INVS: variants seen among roughly 807,000 people sequenced by gnomAD.
INVS encodes the protein inversion of embryo turning homolog.
A neutral mutation model predicts 108.8 loss-of-function variants in INVS; 86 were observed. That is an observed-to-expected ratio of 0.79 (90% CI 0.66 to 0.95). The LOEUF (loss-of-function observed/expected upper bound fraction) is 0.95. Ranked by LOEUF, INVS falls within the 40% of genes least tolerant of loss-of-function variation. The pLI, the probability that INVS is intolerant of heterozygous loss-of-function variation, is 0.00. For synonymous variants in INVS, 455 were observed against 473.5 expected (o/e 0.96, Z 0.51); for missense variants, 1,169 against 1,297.4 (o/e 0.90, Z 1.52).
chr9:100,289,416 T>C (rs1052636846), intron 13 of INVS, among the ~76,000 whole-genome samples: 2 of 152,262 alleles, frequency 1.3e-5, no homozygotes, highest in African/African-American at 4.8e-5. Flanking sequence ...TTTATAGATA[T>C]AAATATCTGT....
intron 10 of INVS, among the ~76,000 whole-genome samples, chr9:100,253,455 TGCACAA>T (rs1832310690): frequency 6.6e-6 from 1 of 152,144 alleles, no homozygotes; most frequent in Non-Finnish European, 1.5e-5. Context: ...AGGGTACATG[TGCACAA>T]CGTGCAAGTT....
chr9:100,101,000 A>T (rs1231100778), intron 1 of INVS, among the ~76,000 whole-genome samples: 2 of 84,960 alleles, frequency 2.4e-5, no homozygotes, highest in South Asian at 2.6e-4. Flanking sequence ...ATGTATATAT[A>T]ATATATATAT....
chr9:100,165,152 T>A (rs111984600), intron 3 of INVS, among the ~76,000 whole-genome samples: 1 of 152,082 alleles, frequency 6.6e-6, no homozygotes, highest in African/African-American at 2.4e-5. Flanking sequence ...ATTTATGGGG[T>A]ACATGTAATG....
intron 3 of INVS, among the ~76,000 whole-genome samples, chr9:100,137,506 T>C (rs1588029043): frequency 6.6e-6 from 1 of 152,276 alleles, no homozygotes; most frequent in East Asian, 1.9e-4. Flanking sequence ...TGGTATCTGG[T>C]ATCAGAATTT....
intron 3 of INVS, among the ~76,000 whole-genome samples, chr9:100,155,997 T>C (rs1291392449): frequency 6.6e-6 from 1 of 152,138 alleles, no homozygotes; most frequent in Non-Finnish European, 1.5e-5. Flanking sequence ...TCACCCAGAT[T>C]GTGTCTCTCA....
chr9:100,203,874 G>A (rs1369374218), intron 3 of INVS, among the ~76,000 whole-genome samples: 1 of 152,078 alleles, frequency 6.6e-6, no homozygotes, highest in African/African-American at 2.4e-5. Context: ...ACTACTGCAT[G>A]TTTCTCCTTG....
At chr9:100,138,841 G>A (rs1444651364) in intron 3 of INVS, among the ~76,000 whole-genome samples, 3 of 151,584 alleles carry the variant, frequency 2.0e-5, no homozygotes, top group Non-Finnish European at 4.4e-5. Context: ...GAAGTAACAG[G>A]GATTACAGGG....
intron 3 of INVS, among the ~76,000 whole-genome samples, chr9:100,179,544 C>T (rs1378968929): frequency 1.3e-5 from 2 of 151,112 alleles, no homozygotes; most frequent in East Asian, 3.9e-4. Flanking sequence ...AAAAGACAAA[C>T]AAGGGCATTA....
Position 100,227,991 on chromosome 9 carries a change from C to CTTT in INVS, c.448-1654_448-1652dup, listed in dbSNP as rs33912012. 3.4e-3 allele frequency among the ~76,000 whole-genome samples: 454 copies of CTTT among 133,412 alleles called. 6 individuals carry two copies. The highest frequency in any genetic ancestry group is 7.8e-3 in the Middle Eastern group (2 of 256). The allele number at this position is 133,412 out of a possible 152,430, so 87.5% of individuals were successfully genotyped here. Reference sequence around the variant, plus strand: ...CAAATAAACATTATTTTCTTTCTTTCTTTTTTTTTTTTTTTTTGAGACAGA... The same window carrying CTTT: ...CAAATAAACATTATTTTCTTTCTTTCTTTTTTTTTTTTTTTTTTTTGAGACAGA... On this transcript the variant is annotated intron_variant, in intron 4 of 16. Coordinates refer to ENST00000262457, the MANE Select transcript of INVS (RefSeq NM_014425.5).
At chr9:100,163,350 A>G (rs1285029529) in intron 3 of INVS, among the ~76,000 whole-genome samples, 1 of 152,150 alleles carries the variant, frequency 6.6e-6, no homozygotes, top group African/African-American at 2.4e-5. Context: ...AAAAGCAATC[A>G]TCTAGTCTCT....
At chr9:100,300,420 T>C (rs1833929224) in intron 16 of INVS, 148 bp from the exon 17 acceptor site, 2 of 664,520 alleles carry the variant, frequency 3.0e-6, no homozygotes, top group Non-Finnish European at 5.5e-6. Flanking sequence ...AAAGCTATTA[T>C]ATTAAGTCAT....
intron 2 of INVS, among the ~76,000 whole-genome samples, chr9:100,123,230 C>G (rs1201362285): frequency 6.6e-6 from 1 of 152,114 alleles, no homozygotes; most frequent in Non-Finnish European, 1.5e-5. Context: ...ACAGAGAAAC[C>G]CTTCACCCTT....
intron 2 of INVS, among the ~76,000 whole-genome samples, chr9:100,112,674 A>C (rs889229244): frequency 2.6e-5 from 4 of 152,148 alleles, no homozygotes; most frequent in African/African-American, 9.7e-5. Context: ...CTAAAAAAAA[A>C]AAAAATCGCA....
chr9:100,117,079 T>G (rs1428309870), intron 2 of INVS: 18 of 1,225,878 alleles, frequency 1.5e-5, no homozygotes, highest in Non-Finnish European at 1.6e-5. Flanking sequence ...CGCAGCGGCC[T>G]GTCACCTTGC....
chr9:100,158,066 T>G (rs1275214484), intron 3 of INVS, among the ~76,000 whole-genome samples: 1 of 152,236 alleles, frequency 6.6e-6, no homozygotes, highest in African/African-American at 2.4e-5. Flanking sequence ...CAATTTTTCA[T>G]TCCAGTTTTT....
chr9:100,296,832 TC>T (rs1833805063), intron 14 of INVS, 84 bp from the exon 15 acceptor site: 5 of 1,056,680 alleles, frequency 4.7e-6, no homozygotes, highest in Non-Finnish European at 7.2e-6. Context: ...CAAATACTAC[TC>T]CTATAGCTTC....
chr9:100,213,905 C>T (rs1397155773), intron 3 of INVS, among the ~76,000 whole-genome samples: 1 of 152,164 alleles, frequency 6.6e-6, no homozygotes. Context: ...GTGGCCAAGA[C>T]TTTGCATTCT....
chr9:100,128,471 T>C (rs1458853797), intron 3 of INVS, among the ~76,000 whole-genome samples: 4 of 152,236 alleles, frequency 2.6e-5, no homozygotes, highest in African/African-American at 9.6e-5. Context: ...TTCTCCTGTG[T>C]CCAATTAAAT....
At chr9:100,117,617 C>G in intron 2 of INVS, 1 of 638,780 alleles carries the variant, frequency 1.6e-6, no homozygotes, top group Non-Finnish European at 2.7e-6. Flanking sequence ...CCGCCCCCCC[C>G]GCCCACCTCC....
Sources: allele counts gnomAD v4.1 joint callset (sites outside exome capture counted in the v4.1 genomes callset), GRCh38; gene constraint gnomAD v4.1.1; transcripts MANE v1.5; gene names NCBI Gene and HGNC (gene_info 2026-07-23, HGNC 2026-07-21).